Variants in GPR39 observed in about 807,000 individuals in gnomAD.
The protein encoded by GPR39 is G protein-coupled receptor 39, also known as zinc sensing receptor.
In GPR39, 23 loss-of-function variants were observed where a neutral mutation model predicts 18.4. That is an observed-to-expected ratio of 1.25 (90% CI 0.90 to 1.77). The LOEUF (loss-of-function observed/expected upper bound fraction) is 1.77. Ranked by LOEUF, GPR39 falls within the 40% of genes most tolerant of loss-of-function variation. The pLI is 0.00. For missense variants in GPR39, 647 were observed against 602.4 expected (o/e 1.07, Z -0.78); for synonymous variants, 280 against 257.9 (o/e 1.09, Z -0.82).
chr2:132,583,983 G>A (rs1680676648), intron 1 of GPR39, among the ~76,000 whole-genome samples: 1 of 151,942 alleles, frequency 6.6e-6, no homozygotes, highest in Admixed American at 6.6e-5. Context: ...CTTCAGAGGA[G>A]CCCTTGAGAG....
At chr2:132,421,134 G>A (rs6430316) in intron 1 of GPR39, among the ~76,000 whole-genome samples, 33,134 of 152,088 alleles carry the variant, frequency 0.22, 3,798 homozygotes, top group African/African-American at 0.27. Context: ...TCCCTTCAAT[G>A]ATGAGGATGT....
intron 1 of GPR39, among the ~76,000 whole-genome samples, chr2:132,490,570 G>A (rs566538160): frequency 3.7e-4 from 56 of 152,054 alleles, no homozygotes; most frequent in African/African-American, 1.3e-3. Context: ...GGAAGAACCA[G>A]TACCTAGAGC....
chr2:132,448,982 C>T (rs1246188432), intron 1 of GPR39, among the ~76,000 whole-genome samples: 1 of 152,214 alleles, frequency 6.6e-6, no homozygotes, highest in African/African-American at 2.4e-5. Flanking sequence ...TTACAGCCAG[C>T]TCTCCGCAAC....
chr2:132,422,198 A>G (rs1680024966), intron 1 of GPR39, among the ~76,000 whole-genome samples: 1 of 152,204 alleles, frequency 6.6e-6, no homozygotes, highest in African/African-American at 2.4e-5. Flanking sequence ...AATCACCCTC[A>G]TGGAAGCACC....
chr2:132,491,067 CT>C (rs1023920979), intron 1 of GPR39, among the ~76,000 whole-genome samples: 19 of 152,066 alleles, frequency 1.2e-4, no homozygotes, highest in Non-Finnish European at 1.8e-4. Context: ...AAATTAATCT[CT>C]TTTTTTTCTC....
rs1221173101 is a variant in GPR39 at position 132,646,094 on chromosome 2, C to G, written c.*488C>G. On this transcript the variant is annotated 3_prime_UTR_variant, in exon 2 of 2. Coordinates refer to ENST00000329321, the MANE Select transcript of GPR39 (RefSeq NM_001508.3). ...TAATTTGAGGAACAGGATGGTGGTG[C>G]GGAGCCCTGGCCTGAGGGCCGAGGC... The G allele has an allele frequency of 6.2e-7, 1 of 1,604,444 alleles. No homozygotes were observed. The highest frequency in any genetic ancestry group is 8.5e-7 in the Non-Finnish European group (1 of 1,174,748).
chr2:132,443,864 G>A (rs1342726896), intron 1 of GPR39, among the ~76,000 whole-genome samples: 1 of 152,206 alleles, frequency 6.6e-6, no homozygotes, highest in Non-Finnish European at 1.5e-5. Flanking sequence ...GAGCCCAGGT[G>A]TTCGAGACCA....
chr2:132,562,155 A>T (rs922004734), intron 1 of GPR39, among the ~76,000 whole-genome samples: 1 of 146,838 alleles, frequency 6.8e-6, no homozygotes, highest in Non-Finnish European at 1.5e-5. Context: ...CCAGGCATCC[A>T]TTTTTTTTTT....
intron 1 of GPR39, among the ~76,000 whole-genome samples, chr2:132,553,388 T>C (rs922369196): frequency 1.3e-5 from 2 of 149,528 alleles, no homozygotes; most frequent in African/African-American, 4.9e-5. Flanking sequence ...TGTATATATA[T>C]AGTGTATATA....
At chr2:132,546,942 G>C (rs1418595635) in intron 1 of GPR39, among the ~76,000 whole-genome samples, 1 of 149,910 alleles carries the variant, frequency 6.7e-6, no homozygotes, top group Non-Finnish European at 1.5e-5. Context: ...TCTGCCCCTA[G>C]ATCCTCTGAG....
chr2:132,452,629 TC>T (rs200873795), intron 1 of GPR39, among the ~76,000 whole-genome samples: 45 of 143,748 alleles, frequency 3.1e-4, no homozygotes, highest in African/African-American at 1.1e-3. Flanking sequence ...CCTCCCCCAG[TC>T]CCCCACCCCC....
chr2:132,599,749 G>A (rs1014151477), intron 1 of GPR39, among the ~76,000 whole-genome samples: 1 of 146,192 alleles, frequency 6.8e-6, no homozygotes, highest in Non-Finnish European at 1.5e-5. Flanking sequence ...GATTTCTAGT[G>A]GGTTGAGGAG....
At chr2:132,456,447 G>T (rs1366235765) in intron 1 of GPR39, among the ~76,000 whole-genome samples, 1 of 152,078 alleles carries the variant, frequency 6.6e-6, no homozygotes, top group Admixed American at 6.5e-5. Flanking sequence ...ACCAGTGTGT[G>T]TCTTTTAATT....
At position 132,514,289 on chromosome 2, in the gene GPR39, G is replaced by A. The variant is rs568762392; in HGVS notation, c.856+96391G>A. Among the ~76,000 whole-genome samples, 10 of 152,094 alleles carry A rather than the reference G, an allele frequency of 6.6e-5. No individual in the cohort carries two copies. The South Asian group carries it at 2.1e-3, about 32-fold the overall frequency. On this transcript the variant is annotated intron_variant, in intron 1 of 1. Transcript: ENST00000329321. ...TCCTGTCTCTCCATGTACCCCTACT[G>A]TGGCATGTCAGAGCTCCTGGGTCTG... is the stretch of plus-strand genomic sequence containing the variant.
At chr2:132,621,166 C>A (rs1573702943) in intron 1 of GPR39, among the ~76,000 whole-genome samples, 1 of 152,182 alleles carries the variant, frequency 6.6e-6, no homozygotes, top group African/African-American at 2.4e-5. Flanking sequence ...GCTTCAGCCA[C>A]CCATCCCTAG....
intron 1 of GPR39, among the ~76,000 whole-genome samples, chr2:132,621,635 G>T (rs1324141746): frequency 6.6e-6 from 1 of 152,144 alleles, no homozygotes; most frequent in African/African-American, 2.4e-5. Flanking sequence ...TACAAGTAGG[G>T]ACAGCTGGGG....
intron 1 of GPR39, among the ~76,000 whole-genome samples, chr2:132,578,260 C>T (rs371394965): frequency 6.6e-6 from 1 of 151,980 alleles, no homozygotes; most frequent in Admixed American, 6.6e-5. Flanking sequence ...CACAATTCTT[C>T]TAATATATTG....
intron 1 of GPR39, among the ~76,000 whole-genome samples, chr2:132,591,640 C>T (rs1473965039): frequency 6.6e-6 from 1 of 152,086 alleles, no homozygotes. Flanking sequence ...CTGAGTAATA[C>T]AGATTTAAAA....
At position 132,645,726 on chromosome 2, in the gene GPR39, C is replaced by T. The variant is rs1208430928; in HGVS notation, c.*120C>T. 3 of 1,375,608 alleles carry T rather than the reference C, an allele frequency of 2.2e-6. No homozygotes were observed. The highest frequency in any genetic ancestry group is 5.0e-5 in the Admixed American group (2 of 40,026). 85.2% of individuals were successfully genotyped at this position (1,375,608 alleles called of 1,614,324 possible). ...GATGGAATGGACACTGGAGGCTTTA[C>T]AAAAGGCAGATGCCCACCTCAGTGA... On this transcript the variant is annotated 3_prime_UTR_variant, in exon 2 of 2. Coordinates refer to ENST00000329321, the MANE Select transcript of GPR39 (RefSeq NM_001508.3).
Sources: allele counts gnomAD v4.1 joint callset (sites outside exome capture counted in the v4.1 genomes callset), GRCh38; gene constraint gnomAD v4.1.1; transcripts MANE v1.5; gene names NCBI Gene and HGNC (gene_info 2026-07-23, HGNC 2026-07-21).